MACROD2: variants seen among roughly 807,000 people sequenced by gnomAD.
MACROD2 encodes ADP-ribose glycohydrolase MACROD2.
MACROD2 carries 36 observed loss-of-function variants against 70.4 expected under a neutral mutation model. The ratio of observed to expected loss-of-function variants is 0.51; its 90% confidence interval spans 0.39 to 0.68. The LOEUF is 0.68. Among genes scored for constraint, MACROD2 ranks in the 30% least tolerant of loss-of-function variants. MACROD2 has a pLI of 0.00. For missense variants in MACROD2, 496 were observed against 538.4 expected, an observed-to-expected ratio of 0.92 and a Z score of 0.78; for synonymous variants, 172 against 178.8, an observed-to-expected ratio of 0.96 and a Z score of 0.30.
At chr20:14,744,729 C>T (rs2071777562) in intron 5 of MACROD2, among the ~76,000 whole-genome samples, 1 of 152,084 alleles carries the variant, frequency 6.6e-6, no homozygotes. Flanking sequence ...TTTCTTGTCG[C>T]TGATACCCTT....
chr20:15,462,014 G>A (rs989748184), intron 7 of MACROD2, among the ~76,000 whole-genome samples: 5 of 151,852 alleles, frequency 3.3e-5, no homozygotes, highest in African/African-American at 1.2e-4. Flanking sequence ...CACAACTGGT[G>A]GTATTTTTTT....
chr20:14,505,301 C>A (rs2327856), intron 4 of MACROD2, among the ~76,000 whole-genome samples: 56,517 of 152,020 alleles, frequency 0.37, 11,179 homozygotes, highest in East Asian at 0.63. Context: ...TCAACTCCCA[C>A]AAGTTTAGAT....
At chr20:15,420,598 G>C (rs185962961) in intron 6 of MACROD2, among the ~76,000 whole-genome samples, 2 of 121,152 alleles carry the variant, frequency 1.7e-5, no homozygotes, top group African/African-American at 6.3e-5. Context: ...CCCATGCGAT[G>C]GGGAAAAAAA....
intron 5 of MACROD2, among the ~76,000 whole-genome samples, chr20:14,729,000 CT>C (rs1365545882): frequency 6.6e-6 from 1 of 152,086 alleles, no homozygotes; most frequent in African/African-American, 2.4e-5. Context: ...GTGTTTACAT[CT>C]TCCAATTAGA....
Position 15,674,957 on chromosome 20 carries a change from C to T in MACROD2, c.645+175110C>T, listed in dbSNP as rs182149358. Reference sequence around the variant, plus strand: ...TGGTTTTGACAAGCACTAATTAATTCCATCTCTGGGGAATAATGGGAAATG... The same window carrying T: ...TGGTTTTGACAAGCACTAATTAATTTCATCTCTGGGGAATAATGGGAAATG... On this transcript the variant is annotated intron_variant, in intron 8 of 17. Coordinates refer to ENST00000684519, the MANE Select transcript of MACROD2 (RefSeq NM_001351661.2). 1.8e-3 allele frequency among the ~76,000 whole-genome samples: 267 copies of T among 152,190 alleles called. 2 individuals are homozygous for T. The highest frequency in any genetic ancestry group is 6.0e-3 in the African/African-American group (248 of 41,518).
intron 7 of MACROD2, among the ~76,000 whole-genome samples, chr20:15,496,342 T>C (rs1023330960): frequency 2.0e-5 from 3 of 152,238 alleles, no homozygotes; most frequent in East Asian, 3.9e-4. Flanking sequence ...GTCAATGGAC[T>C]GGCTAAGCGC....
In MACROD2 at chr20:15,477,303, C is replaced by T. The variant is rs1600469005; in HGVS notation, c.572-22471C>T. ...ATACATAGGACATCACTATATTGCCCAGGTTGGCCTTGAACTCCTGGCCTC... is the reference window on the plus strand; with the variant it reads ...ATACATAGGACATCACTATATTGCCTAGGTTGGCCTTGAACTCCTGGCCTC... On this transcript the variant is annotated intron_variant, in intron 7 of 17. Coordinates refer to ENST00000684519, the MANE Select transcript of MACROD2 (RefSeq NM_001351661.2). Among the ~76,000 whole-genome samples, 4 of 152,058 alleles carry T rather than the reference C, an allele frequency of 2.6e-5. No homozygotes were observed. The South Asian group carries it at 8.3e-4, about 32-fold the overall frequency.
chr20:14,262,058 C>T (rs544764277), intron 3 of MACROD2, among the ~76,000 whole-genome samples: 1 of 152,154 alleles, frequency 6.6e-6, no homozygotes, highest in South Asian at 2.1e-4. Context: ...AAAGGGAAGG[C>T]TTTACCAGGT....
chr20:15,170,595 C>A (rs2076415891), intron 5 of MACROD2, among the ~76,000 whole-genome samples: 1 of 152,112 alleles, frequency 6.6e-6, no homozygotes, highest in Non-Finnish European at 1.5e-5. Flanking sequence ...AGGACCATGA[C>A]CACCTGAAGA....
chr20:14,704,701 G>A (rs6135233), intron 5 of MACROD2, among the ~76,000 whole-genome samples: 11,652 of 152,162 alleles, frequency 0.077, 733 homozygotes, highest in South Asian at 0.26. Context: ...CACAGCCTTC[G>A]AAGTTTCTTC....
intron 6 of MACROD2, among the ~76,000 whole-genome samples, chr20:15,368,948 GA>G (rs1484321885): frequency 6.6e-6 from 1 of 152,166 alleles, no homozygotes; most frequent in Non-Finnish European, 1.5e-5. Context: ...ATTGCCTGAT[GA>G]GTTGATTAAT....
chr20:15,605,691 T>C (rs895847808), intron 8 of MACROD2, among the ~76,000 whole-genome samples: 5 of 152,192 alleles, frequency 3.3e-5, no homozygotes, highest in Non-Finnish European at 7.3e-5. Context: ...GAAAACTTGG[T>C]TCTAATTTAG....
intron 3 of MACROD2, among the ~76,000 whole-genome samples, chr20:14,394,615 C>T (rs2083562478): frequency 6.6e-6 from 1 of 152,166 alleles, no homozygotes; most frequent in Admixed American, 6.5e-5. Context: ...ATGGCTAGAG[C>T]TCCCCATACA....
chr20:14,226,832 C>A (rs1034118969), intron 3 of MACROD2, among the ~76,000 whole-genome samples: 1 of 152,250 alleles, frequency 6.6e-6, no homozygotes, highest in Non-Finnish European at 1.5e-5. Context: ...CCCCGATGAG[C>A]GCCGCCCCCT....
chr20:15,836,129 G>T (rs1271991427), intron 8 of MACROD2, among the ~76,000 whole-genome samples: 1 of 152,160 alleles, frequency 6.6e-6, no homozygotes, highest in Non-Finnish European at 1.5e-5. Flanking sequence ...TTACAACTCA[G>T]TCTTTTGCCT....
chr20:15,117,668 G>A (rs1012274440), intron 5 of MACROD2, among the ~76,000 whole-genome samples: 1 of 152,116 alleles, frequency 6.6e-6, no homozygotes, highest in Non-Finnish European at 1.5e-5. Flanking sequence ...GAAGTATTAA[G>A]GATCTAAAAG....
rs889149323 is a variant in MACROD2, at chr20:14,310,222, C to T, written c.272-183257C>T. Among the ~76,000 whole-genome samples the T allele has an allele frequency of 1.6e-4, 25 of 151,972 alleles. 1 individual carries two copies. The highest frequency in any genetic ancestry group is 9.2e-4 in the Admixed American group (14 of 15,260). On this transcript the variant is annotated intron_variant, in intron 3 of 17. Transcript: ENST00000684519. ...TCTAAAATTGTTAGCATTTTTAGCCCGTTAACAATGACAGCAGTGTTGTAA... is the reference window on the plus strand; with the variant it reads ...TCTAAAATTGTTAGCATTTTTAGCCTGTTAACAATGACAGCAGTGTTGTAA...
intron 5 of MACROD2, among the ~76,000 whole-genome samples, chr20:15,061,274 C>T (rs1303575667): frequency 1.3e-5 from 2 of 152,166 alleles, no homozygotes; most frequent in African/African-American, 2.4e-5. Context: ...AGCTGTGATC[C>T]TGCCTAAGGG....
intron 8 of MACROD2, among the ~76,000 whole-genome samples, chr20:15,786,250 TTA>T (rs2051925379): frequency 6.6e-6 from 1 of 151,572 alleles, no homozygotes; most frequent in Admixed American, 6.6e-5. Flanking sequence ...TATTAATAAT[TTA>T]TGTTGCTCAG....
Sources: allele counts gnomAD v4.1 joint callset (sites outside exome capture counted in the v4.1 genomes callset), GRCh38; gene constraint gnomAD v4.1.1; transcripts MANE v1.5; gene names NCBI Gene and HGNC (gene_info 2026-07-23, HGNC 2026-07-21).